The following TECR variants were observed in gnomAD, a reference collection of about 807,000 sequenced individuals.
TECR encodes the protein trans-2,3-enoyl-CoA reductase.
In TECR, 19 loss-of-function variants were observed where a neutral mutation model predicts 50.6. The ratio of observed to expected loss-of-function variants is 0.38; its 90% CI spans 0.26 to 0.55. TECR has a LOEUF of 0.55. Among genes scored for constraint, TECR ranks in the 20% least tolerant of loss-of-function variants. The pLI is 0.79. For synonymous variants in TECR, 168 were observed against 163.5 expected (o/e 1.03, Z -0.21); for missense variants, 313 against 408.3 (o/e 0.77, Z 2.01).
chr19:14,528,966 A>T (rs759240993), upstream of TECR, among the ~76,000 whole-genome samples: 2 of 152,142 alleles, frequency 1.3e-5, no homozygotes, highest in Non-Finnish European at 2.9e-5. Flanking sequence ...AGAAAAACAA[A>T]GTGGGGCGGG....
chr19:14,543,199 C>T (rs1407042332), intron 1 of TECR, among the ~76,000 whole-genome samples: 1 of 149,192 alleles, frequency 6.7e-6, no homozygotes, highest in Non-Finnish European at 1.5e-5. Flanking sequence ...TCCCCAGACA[C>T]CTCAAGTGTC....
chr19:14,529,808 C>T (rs1033545317), intron 1 of TECR, 97 bp downstream of exon 1: 7 of 1,571,134 alleles, frequency 4.5e-6, no homozygotes, highest in East Asian at 2.3e-5. Context: ...TCCTGTGCCC[C>T]GAAGGAAGAG....
At chr19:14,537,133 A>C (rs1468008723) in intron 1 of TECR, among the ~76,000 whole-genome samples, 3 of 121,446 alleles carry the variant, frequency 2.5e-5, no homozygotes, top group Non-Finnish European at 5.0e-5. Flanking sequence ...GTGGTTCCTG[A>C]GGATGAGGAG....
At chr19:14,544,361 G>C (rs900571164) in intron 1 of TECR, among the ~76,000 whole-genome samples, 1 of 152,056 alleles carries the variant, frequency 6.6e-6, no homozygotes, top group Non-Finnish European at 1.5e-5. Flanking sequence ...GAACGAGTAT[G>C]TGTATGTTTG....
intron 1 of TECR, chr19:14,532,639 T>C (rs553880414): frequency 2.8e-4 from 42 of 151,856 alleles, no homozygotes; most frequent in African/African-American, 9.7e-4. Flanking sequence ...CAAGTACCCA[T>C]AGAGGCGATA....
intron 1 of TECR, among the ~76,000 whole-genome samples, chr19:14,544,557 T>A (rs1434459961): frequency 1.4e-5 from 2 of 144,646 alleles, no homozygotes; most frequent in Admixed American, 6.9e-5. Flanking sequence ...TTATAGCATA[T>A]CCTTGGTGAT....
At position 14,563,332 on chromosome 19, in the gene TECR, C is replaced by T; in HGVS notation, c.118+75C>T. ...ACCTTAGGGTGGGAGGGATCCCATC[C>T]TGCACCCCTCTCCCAGGGGCCTGCA... is the stretch of plus-strand genomic sequence containing the variant. On this transcript the variant is annotated intron_variant, in intron 3 of 12. Coordinates refer to ENST00000215567, the MANE Select transcript of TECR (RefSeq NM_138501.6). This position sits in a 1 kb window ranked among gnomAD's most constrained non-coding sequence, Gnocchi z 5.3. 2 of 1,367,068 alleles carry T rather than the reference C, an allele frequency of 1.5e-6. No homozygotes were observed. The highest frequency in any genetic ancestry group is 1.4e-5 in the African/African-American group (1 of 69,012). The allele number at this position is 1,367,068 out of a possible 1,614,324, so 84.7% of individuals were successfully genotyped here. A position where few individuals can be genotyped will look rare whatever the true frequency, so the allele number is the denominator to read the frequency against.
chr19:14,545,080 C>A (rs756290137), intron 1 of TECR: 2 of 456,726 alleles, frequency 4.4e-6, no homozygotes, highest in South Asian at 3.1e-5. Context: ...TCTCTGAAGC[C>A]ACATTTGCTC....
intron 1 of TECR, among the ~76,000 whole-genome samples, chr19:14,545,354 C>T (rs1353364488): frequency 6.6e-6 from 1 of 152,224 alleles, no homozygotes; most frequent in Non-Finnish European, 1.5e-5. Context: ...AGCTGAAATC[C>T]CATTTCCTCA....
intron 1 of TECR, among the ~76,000 whole-genome samples, chr19:14,556,517 C>G (rs946915619): frequency 1.3e-5 from 2 of 152,144 alleles, no homozygotes; most frequent in Non-Finnish European, 2.9e-5. Flanking sequence ...TGCCCCCACC[C>G]CCTGCTTGCC....
chr19:14,532,749 A>T (rs1481895728), intron 1 of TECR, among the ~76,000 whole-genome samples: 1 of 152,136 alleles, frequency 6.6e-6, no homozygotes, highest in Non-Finnish European at 1.5e-5. Flanking sequence ...GTAGGTCAGT[A>T]AAAATAGAAA....
chr19:14,530,957 C>T (rs1334558346), intron 1 of TECR: 1 of 152,224 alleles, frequency 6.6e-6, no homozygotes, highest in Admixed American at 6.5e-5. Flanking sequence ...ACCTCCACCT[C>T]TGGCAGCCAC....
At chr19:14,539,149 T>TC (rs2073010168) in intron 1 of TECR, among the ~76,000 whole-genome samples, 1 of 138,642 alleles carries the variant, frequency 7.2e-6, no homozygotes, top group South Asian at 2.4e-4. Context: ...AATTTTTTTT[T>TC]TTTTTTTTTT....
At chr19:14,553,757 C>T (rs908488273) in intron 1 of TECR, among the ~76,000 whole-genome samples, 7 of 152,122 alleles carry the variant, frequency 4.6e-5, no homozygotes, top group African/African-American at 1.4e-4. Context: ...CATGATCGGG[C>T]CAGGCCTCCG....
At chr19:14,542,823 A>T (rs1375584911) in intron 1 of TECR, among the ~76,000 whole-genome samples, 1 of 151,758 alleles carries the variant, frequency 6.6e-6, no homozygotes, top group Non-Finnish European at 1.5e-5. Flanking sequence ...GCAAGGTGTA[A>T]AGGCCCTCTC....
At chr19:14,561,538 C>T (rs1037039115) in intron 1 of TECR, among the ~76,000 whole-genome samples, 3 of 152,262 alleles carry the variant, frequency 2.0e-5, no homozygotes, top group Non-Finnish European at 1.5e-5. Flanking sequence ...GGCTCTTGGA[C>T]GCAGGAAGCG....
Position 14,564,113 on chromosome 19 carries a change from G to A in TECR, c.383+16G>A. ...CAGTGGTGCAGTAAGTGGGGCAGGT[G>A]GGAGGAGGGTAGGGGAAGGCAGAAG... is the stretch of plus-strand genomic sequence containing the variant. On this transcript the variant is annotated intron_variant, in intron 6 of 12. Transcript: ENST00000215567. 1 of 1,609,810 alleles carries A rather than the reference G, an allele frequency of 6.2e-7. No homozygotes were observed. The highest frequency in any genetic ancestry group is 8.5e-7 in the Non-Finnish European group (1 of 1,179,798).
rs113326487 is a variant in TECR at position 14,545,546 on chromosome 19, C to CAT, written c.15+15838_15+15839dup. 9.6e-3 allele frequency among the ~76,000 whole-genome samples: 1,468 copies of CAT among 152,306 alleles called. 21 individuals carry two copies. The highest frequency in any genetic ancestry group is 0.033 in the African/African-American group (1,392 of 41,568). ...AGCCTCTCTCAGTCGTGCGCACTGT[C>CAT]ATATCCCGGCCCTTGGATCGCTGCC... On this transcript the variant is annotated intron_variant, in intron 1 of 12. Coordinates refer to ENST00000215567, the MANE Select transcript of TECR (RefSeq NM_138501.6).
chr19:14,557,329 C>T (rs552608047), intron 1 of TECR, among the ~76,000 whole-genome samples: 11 of 150,434 alleles, frequency 7.3e-5, no homozygotes, highest in Non-Finnish European at 1.5e-4. Flanking sequence ...TTATTAGAGA[C>T]GGGGTTTCAC....
Sources: gnomAD v4.1 joint callset for allele counts (sites outside exome capture counted in the v4.1 genomes callset) on GRCh38, gnomAD v4.1.1 for gene constraint, Gnocchi (gnomAD v3.1) non-coding constraint, MANE v1.5 for transcripts, NCBI Gene and HGNC (gene_info 2026-07-23, HGNC 2026-07-21) for gene names.